Variants in MGAT5 observed in about 807,000 individuals in gnomAD.
MGAT5 encodes alpha-1,6-mannosylglycoprotein 6-beta-N-acetylglucosaminyltransferase A.
MGAT5 carries 30 observed loss-of-function variants against 94.3 expected under a neutral mutation model. The observed-to-expected ratio is 0.32, with a 90% CI of 0.24 to 0.43. The LOEUF (loss-of-function observed/expected upper bound fraction) is 0.43. MGAT5 is among the 20% of genes least tolerant of loss of function. The probability of loss-of-function intolerance (pLI) is 1.00; values close to 1 mark genes in which losing one functional copy is unlikely to be tolerated. For synonymous variants in MGAT5, 310 were observed against 322.9 expected (o/e 0.96, Z 0.43); for missense variants, 691 against 905.5 (o/e 0.76, Z 3.04).
intron 1 of MGAT5, among the ~76,000 whole-genome samples, chr2:134,171,694 C>T (rs1234605383): frequency 1.3e-5 from 2 of 152,156 alleles, no homozygotes; most frequent in African/African-American, 4.8e-5. Flanking sequence ...TGGATCAAGT[C>T]CTTTAAGAGG....
chr2:134,178,097 C>G (rs2105154852), intron 1 of MGAT5, among the ~76,000 whole-genome samples: 1 of 149,762 alleles, frequency 6.7e-6, no homozygotes, highest in African/African-American at 2.5e-5. Flanking sequence ...GTTTTTTTCT[C>G]TCAAAAAAAA....
chr2:134,130,636 G>A (rs1000340756), intron 1 of MGAT5, among the ~76,000 whole-genome samples: 22 of 151,840 alleles, frequency 1.4e-4, no homozygotes, highest in Non-Finnish European at 1.5e-5. Context: ...CTAGCTAGAG[G>A]GTTGTAAATG....
intron 14 of MGAT5, among the ~76,000 whole-genome samples, 159 bp downstream of exon 14, chr2:134,428,598 C>T (rs1053288404): frequency 4.6e-5 from 7 of 152,046 alleles, no homozygotes; most frequent in African/African-American, 1.7e-4. Flanking sequence ...TCATGGTCAC[C>T]CAAGAGAACC....
At chr2:134,367,884 GT>G (rs1420000640) in intron 10 of MGAT5, among the ~76,000 whole-genome samples, 2 of 152,236 alleles carry the variant, frequency 1.3e-5, no homozygotes, top group African/African-American at 4.8e-5. Flanking sequence ...TCTGCACAGT[GT>G]TTCTGCTTCT....
At position 134,416,432 on chromosome 2, in the gene MGAT5, G is replaced by C. The variant is rs550332232; in HGVS notation, c.1677+3417G>C. 5.3e-5 allele frequency among the ~76,000 whole-genome samples: 8 copies of C among 151,240 alleles called. No individual in the cohort carries two copies. In the South Asian group the frequency reaches 1.5e-3, roughly 28 times the overall value. ...GCTCACCAACTTAGCATGTTTTCAA[G>C]GTTTGTTCATGTTGTAGCCTGTTTC... On this transcript the variant is annotated intron_variant, in intron 12 of 15. Transcript: ENST00000281923.
At chr2:134,365,611 AC>A (rs1220071770) in intron 10 of MGAT5, among the ~76,000 whole-genome samples, 2 of 152,132 alleles carry the variant, frequency 1.3e-5, no homozygotes, top group Non-Finnish European at 2.9e-5. Flanking sequence ...GAGAGGCACC[AC>A]CCTGACAGAA....
At chr2:134,338,551 TTGTACAGC>T in intron 6 of MGAT5, 131 bp downstream of exon 6, 1 of 981,556 alleles carries the variant, frequency 1.0e-6, no homozygotes, top group Non-Finnish European at 1.4e-6. Context: ...GCTCAGTCTC[TTGTACAGC>T]TGTTTTTGGG....
chr2:134,339,008 C>G lies in MGAT5; in HGVS notation c.807+588C>G, dbSNP rs561942732. On this transcript the variant is annotated intron_variant, in intron 6 of 15. Transcript: ENST00000281923. ...ATGGTCTGGCTTTAGATTAACTGTT[C>G]TGTTCTGATTTCAGAACTGAGCAAA... Among the ~76,000 whole-genome samples the G allele has an allele frequency of 4.6e-5, 7 of 152,290 alleles. No homozygotes were observed. The East Asian group carries it at 1.2e-3, about 25-fold the overall frequency.
chr2:134,131,884 A>AG (rs1223076339), intron 1 of MGAT5, among the ~76,000 whole-genome samples: 1 of 152,164 alleles, frequency 6.6e-6, no homozygotes, highest in East Asian at 1.9e-4. Flanking sequence ...AGCCCAGTGG[A>AG]GGGGGCCAGG....
intron 1 of MGAT5, among the ~76,000 whole-genome samples, chr2:134,188,340 G>A (rs914044086): frequency 2.0e-5 from 3 of 152,244 alleles, no homozygotes; most frequent in Non-Finnish European, 4.4e-5. Context: ...CTCTAGGGAT[G>A]GAGGAGCTTT....
At chr2:134,297,173 G>A (rs72978114) in intron 2 of MGAT5, among the ~76,000 whole-genome samples, 2,511 of 141,244 alleles carry the variant, frequency 0.018, 83 homozygotes, top group African/African-American at 0.064. Flanking sequence ...GTCCAGCTTG[G>A]GCAACAGACT....
At chr2:134,281,448 G>A (rs1465904955) in intron 2 of MGAT5, among the ~76,000 whole-genome samples, 1 of 152,160 alleles carries the variant, frequency 6.6e-6, no homozygotes. Flanking sequence ...TATTGGTTGC[G>A]CTCATGTCTT....
At chr2:134,151,816 A>C (rs1297417740) in intron 1 of MGAT5, among the ~76,000 whole-genome samples, 2 of 131,260 alleles carry the variant, frequency 1.5e-5, no homozygotes, top group African/African-American at 3.0e-5. Context: ...GGAGCCTCCC[A>C]CTGCCATGGG....
intron 4 of MGAT5, among the ~76,000 whole-genome samples, chr2:134,329,150 C>T (rs1687806757): frequency 6.6e-6 from 1 of 151,892 alleles, no homozygotes; most frequent in African/African-American, 2.4e-5. Flanking sequence ...ATCTGGCAAC[C>T]CCACTGAGGT....
At chr2:134,153,750 T>G (rs935023265) in intron 1 of MGAT5, among the ~76,000 whole-genome samples, 2 of 152,154 alleles carry the variant, frequency 1.3e-5, no homozygotes, top group African/African-American at 4.8e-5. Flanking sequence ...TACAGGCCAC[T>G]CGAGGACGAT....
At chr2:134,209,457 G>A (rs1289290052) in intron 1 of MGAT5, among the ~76,000 whole-genome samples, 1 of 10,246 alleles carries the variant, frequency 9.8e-5, no homozygotes, top group Non-Finnish European at 1.3e-4. Flanking sequence ...TTTTGTTCTT[G>A]CGATAGTTTA....
chr2:134,328,122 A>G (rs1573817228), intron 4 of MGAT5, among the ~76,000 whole-genome samples: 1 of 152,032 alleles, frequency 6.6e-6, no homozygotes, highest in Non-Finnish European at 1.5e-5. Flanking sequence ...TCTTAGAGCA[A>G]TTTGGGATGG....
chr2:134,439,704 T>C (rs1458089480), intron 14 of MGAT5, among the ~76,000 whole-genome samples: 2 of 151,658 alleles, frequency 1.3e-5, no homozygotes, highest in Non-Finnish European at 2.9e-5. Context: ...CTCAAAAATA[T>C]ATCTATACAA....
chr2:134,439,203 G>A (rs1685336909), intron 14 of MGAT5, among the ~76,000 whole-genome samples: 1 of 152,148 alleles, frequency 6.6e-6, no homozygotes, highest in Admixed American at 6.5e-5. Flanking sequence ...ATGGGAAGAA[G>A]CAATAACCCT....
Sources: gnomAD v4.1 joint callset for allele counts (sites outside exome capture counted in the v4.1 genomes callset) on GRCh38, gnomAD v4.1.1 for gene constraint, MANE v1.5 for transcripts, NCBI Gene and HGNC (gene_info 2026-07-23, HGNC 2026-07-21) for gene names.